PBX3: variants seen among roughly 807,000 people sequenced by gnomAD.
PBX3 encodes the protein pre-B-cell leukemia transcription factor 3.
A neutral mutation model predicts 48.5 loss-of-function variants in PBX3; 14 were observed. The ratio of observed to expected loss-of-function variants is 0.29; its 90% confidence interval spans 0.19 to 0.45. The LOEUF is 0.45. PBX3 is among the 20% of genes least tolerant of loss of function. The pLI is 1.00. For synonymous variants in PBX3, 210 were observed against 200.3 expected (o/e 1.05, Z -0.41); for missense variants, 386 against 546.7 (o/e 0.71, Z 2.93).
chr9:125,963,959 G>T (rs138560340), intron 8 of PBX3, among the ~76,000 whole-genome samples: 4 of 151,924 alleles, frequency 2.6e-5, no homozygotes, highest in Non-Finnish European at 4.4e-5. Flanking sequence ...TTTCTTTTTG[G>T]GCTTATAAAT....
At chr9:125,888,129 C>G (rs1461731430) in intron 2 of PBX3, among the ~76,000 whole-genome samples, 4 of 152,060 alleles carry the variant, frequency 2.6e-5, no homozygotes, top group African/African-American at 9.7e-5. Context: ...AATGTTACCT[C>G]TGTGGAGAAA....
chr9:125,780,605 C>T (rs1837248079), intron 2 of PBX3, among the ~76,000 whole-genome samples: 1 of 140,162 alleles, frequency 7.1e-6, no homozygotes, highest in Non-Finnish European at 1.6e-5. Flanking sequence ...AGAGGCGCCC[C>T]TCACCTCCCG....
At position 125,762,970 on chromosome 9, in the gene PBX3, A is replaced by T. The variant is rs556592159; in HGVS notation, c.274+14347A>T. 2.6e-5 allele frequency among the ~76,000 whole-genome samples: 4 copies of T among 152,284 alleles called. No homozygotes were observed. The South Asian group carries it at 8.3e-4, about 32-fold the overall frequency. On this transcript the variant is annotated intron_variant, in intron 2 of 8. Transcript: ENST00000373489. ...CATAGCCTTTAGTGCCTAGTCAAAG[A>T]CTTGGAAAGAAAGCAAATGTCAATA...
chr9:125,845,086 G>T (rs1029008717), intron 2 of PBX3: 5 of 151,988 alleles, frequency 3.3e-5, no homozygotes, highest in Admixed American at 6.6e-5. Flanking sequence ...ATTTAACTAC[G>T]TTAGTCAGGA....
intron 2 of PBX3, among the ~76,000 whole-genome samples, chr9:125,806,005 T>C (rs190323876): frequency 6.6e-6 from 1 of 152,330 alleles, no homozygotes; most frequent in East Asian, 1.9e-4. Flanking sequence ...TGTATCTATG[T>C]ATCCATCTCT....
At chr9:125,955,131 G>C (rs1246892469) in intron 5 of PBX3, among the ~76,000 whole-genome samples, 1 of 152,144 alleles carries the variant, frequency 6.6e-6, no homozygotes, top group East Asian at 1.9e-4. Context: ...CACATGGATG[G>C]GAGGGCAGCC....
intron 2 of PBX3, among the ~76,000 whole-genome samples, chr9:125,872,764 AAAG>A (rs1365277461): frequency 6.6e-6 from 1 of 151,540 alleles, no homozygotes; most frequent in African/African-American, 2.4e-5. Flanking sequence ...CGTCTCAAAA[AAAG>A]AAATAAAAAT....
intron 2 of PBX3, among the ~76,000 whole-genome samples, chr9:125,879,240 G>A (rs1430829289): frequency 2.6e-5 from 4 of 151,846 alleles, no homozygotes; most frequent in Non-Finnish European, 5.9e-5. Flanking sequence ...ACCACGCCCG[G>A]CTAATTTTTG....
intron 2 of PBX3, among the ~76,000 whole-genome samples, chr9:125,866,823 C>T (rs1234723825): frequency 1.3e-5 from 2 of 152,176 alleles, no homozygotes; most frequent in Non-Finnish European, 2.9e-5. Context: ...TCCTTCTTGA[C>T]AGTATCCAAA....
intron 5 of PBX3, among the ~76,000 whole-genome samples, chr9:125,960,480 C>T (rs1014812952): frequency 1.3e-5 from 2 of 152,100 alleles, no homozygotes; most frequent in African/African-American, 2.4e-5. Flanking sequence ...TCTAAGAAAG[C>T]AGCGTTATTC....
chr9:125,782,103 G>A (rs1837337009), intron 2 of PBX3, among the ~76,000 whole-genome samples: 1 of 152,092 alleles, frequency 6.6e-6, no homozygotes, highest in Non-Finnish European at 1.5e-5. Flanking sequence ...TCCTGCTAAA[G>A]ACATACCCAA....
chr9:125,784,592 G>C (rs1397995885), intron 2 of PBX3, among the ~76,000 whole-genome samples: 1 of 152,154 alleles, frequency 6.6e-6, no homozygotes, highest in African/African-American at 2.4e-5. Context: ...TTGTAAAGTT[G>C]ATGTTTGTCA....
chr9:125,777,522 ATT>A (rs200498451), intron 2 of PBX3, among the ~76,000 whole-genome samples: 9 of 139,996 alleles, frequency 6.4e-5, no homozygotes, highest in East Asian at 2.1e-4. Context: ...TGCCTGGCTA[ATT>A]TTTTTTTTTT....
At chr9:125,779,988 T>C (rs1588138150) in intron 2 of PBX3, among the ~76,000 whole-genome samples, 1 of 131,642 alleles carries the variant, frequency 7.6e-6, no homozygotes, top group Non-Finnish European at 1.6e-5. Context: ...GCAGAGGGGC[T>C]CCTCACTTCC....
At chr9:125,956,336 TC>T (rs747940799) in intron 5 of PBX3, among the ~76,000 whole-genome samples, 3 of 152,188 alleles carry the variant, frequency 2.0e-5, no homozygotes, top group African/African-American at 4.8e-5. Context: ...CTCAACTCCC[TC>T]CAAGTCAGAG....
At chr9:125,809,206 A>G (rs1335387126) in intron 2 of PBX3, among the ~76,000 whole-genome samples, 4 of 152,214 alleles carry the variant, frequency 2.6e-5, no homozygotes, top group Admixed American at 6.5e-5. Flanking sequence ...GGGCAAATCA[A>G]ATTTTTCACT....
At chr9:125,909,810 C>T (rs1474576231) in intron 2 of PBX3, among the ~76,000 whole-genome samples, 2 of 152,104 alleles carry the variant, frequency 1.3e-5, no homozygotes, top group Non-Finnish European at 2.9e-5. Flanking sequence ...AGTCTAGTAC[C>T]TGTACAGACC....
chr9:125,839,891 T>C (rs1839240955), intron 2 of PBX3, among the ~76,000 whole-genome samples: 1 of 152,300 alleles, frequency 6.6e-6, no homozygotes, highest in South Asian at 2.1e-4. Context: ...TACTCTATTT[T>C]GAAGTATTTT....
intron 2 of PBX3, among the ~76,000 whole-genome samples, chr9:125,859,358 T>C (rs1287353260): frequency 1.3e-5 from 2 of 152,190 alleles, no homozygotes; most frequent in Non-Finnish European, 2.9e-5. Context: ...TCTTTTGCCA[T>C]TGATATGCTT....
Sources: gnomAD v4.1 joint callset for allele counts (sites outside exome capture counted in the v4.1 genomes callset) on GRCh38, gnomAD v4.1.1 for gene constraint, MANE v1.5 for transcripts, NCBI Gene and HGNC (gene_info 2026-07-23, HGNC 2026-07-21) for gene names.